The following EFCAB7 variants were observed in gnomAD, a reference collection of about 807,000 sequenced individuals.
The protein encoded by EFCAB7 is EF-hand calcium binding domain 7.
A neutral mutation model predicts 77.1 loss-of-function variants in EFCAB7; 66 were observed. That is an observed-to-expected ratio of 0.86 (90% CI 0.70 to 1.05). The LOEUF (loss-of-function observed/expected upper bound fraction) is 1.05. Among genes scored for constraint, EFCAB7 ranks in the 50% least tolerant of loss-of-function variants. The pLI is 0.00. For missense variants in EFCAB7, 638 were observed against 730.5 expected (o/e 0.87, Z 1.46); for synonymous variants, 225 against 243.3 (o/e 0.92, Z 0.70).
intron 1 of EFCAB7, among the ~76,000 whole-genome samples, chr1:63,525,048 C>T (rs192730347): frequency 1.5e-4 from 23 of 152,274 alleles, no homozygotes; most frequent in African/African-American, 5.3e-4. Context: ...TGGGTGTCAA[C>T]TACCACTCAT....
chr1:63,551,357 C>T (rs1646962259), intron 7 of EFCAB7, among the ~76,000 whole-genome samples: 2 of 152,188 alleles, frequency 1.3e-5, no homozygotes, highest in African/African-American at 4.8e-5. Flanking sequence ...CTTTGGGAGG[C>T]CCAGGCAGGT....
intron 7 of EFCAB7, chr1:63,547,984 G>C (rs1361026318): frequency 6.6e-6 from 1 of 152,244 alleles, no homozygotes; most frequent in Non-Finnish European, 1.5e-5. Flanking sequence ...TTGATCTCTT[G>C]ATGGAAAAGC....
intron 3 of EFCAB7, among the ~76,000 whole-genome samples, chr1:63,532,331 C>G (rs1205662895): frequency 6.6e-6 from 1 of 151,736 alleles, no homozygotes; most frequent in Non-Finnish European, 1.5e-5. Flanking sequence ...AAAGGAAAAC[C>G]AAATATAAAT....
intron 10 of EFCAB7, 36 bp downstream of exon 10, chr1:63,557,283 A>T (rs1300335734): frequency 1.1e-5 from 17 of 1,558,742 alleles, no homozygotes; most frequent in Non-Finnish European, 1.5e-5. Context: ...GATGTATAAA[A>T]ATATATATAT....
intron 13 of EFCAB7, 97 bp downstream of exon 13, chr1:63,571,225 G>C (rs906608343): frequency 5.3e-6 from 4 of 750,146 alleles, no homozygotes; most frequent in Non-Finnish European, 8.8e-6. Flanking sequence ...AAAATGGAGT[G>C]GAAAATTATT....
intron 2 of EFCAB7, chr1:63,528,055 G>A (rs1466727067): frequency 1.3e-5 from 2 of 152,182 alleles, no homozygotes; most frequent in African/African-American, 4.8e-5. Flanking sequence ...AGCTACCATA[G>A]GATCTAGCAT....
Position 63,532,759 on chromosome 1 carries a change from A to G in EFCAB7, c.486+3A>G, listed in dbSNP as rs781099100. ...ATGGCAAATTTGACTACATCAAGGT[A>G]CATAAGCTCACATTGATGTAAATTT... On this transcript the variant is annotated splice_donor_region_variant and intron_variant, in intron 4 of 13. Coordinates refer to ENST00000371088, the MANE Select transcript of EFCAB7 (RefSeq NM_032437.4). 2.0e-5 allele frequency: 31 copies of G among 1,587,578 alleles called. No individual in the cohort carries two copies. Among genetic ancestry groups the G allele is most frequent in the African/African-American group, 4.1e-5 (3 of 73,272 alleles).
chr1:63,559,096 A>C (rs1268272315), intron 10 of EFCAB7, among the ~76,000 whole-genome samples: 1 of 151,716 alleles, frequency 6.6e-6, no homozygotes, highest in Non-Finnish European at 1.5e-5. Context: ...GAGGTCATTA[A>C]TTCAAGACCA....
intron 7 of EFCAB7, 22 bp from the exon 8 acceptor site, chr1:63,551,703 G>A: frequency 7.5e-7 from 1 of 1,329,942 alleles, no homozygotes; most frequent in Non-Finnish European, 1.0e-6. Context: ...TAAGGTGTTT[G>A]GGCTTTTTTT....
intron 7 of EFCAB7, chr1:63,548,607 T>G (rs182478786): frequency 1.3e-5 from 2 of 152,288 alleles, no homozygotes; most frequent in Admixed American, 1.3e-4. Flanking sequence ...TTCTTCCACT[T>G]GTATGGTACC....
chr1:63,552,405 T>C (rs1194862307), intron 8 of EFCAB7, among the ~76,000 whole-genome samples: 2 of 152,214 alleles, frequency 1.3e-5, no homozygotes, highest in African/African-American at 4.8e-5. Context: ...TACATTTTTT[T>C]TCCCTAAATG....
Position 63,568,436 on chromosome 1 carries a change from G to A in EFCAB7, c.1624G>A (p.Ala542Thr). ...TAAATCTGTTCTTAGCAACGGTGAT[G>A]CCAAAGTAATGGATGGCTATGAAAA... Reference protein sequence around the residue: ...ICKSVLSNGDAKVMDGYENII... With the variant: ...ICKSVLSNGDTKVMDGYENII... Residue 542 changes from alanine to threonine, a missense_variant, in exon 12 of 14, where the codon GCC (alanine) becomes ACC (threonine). Physicochemically the swap from Ala to Thr is moderately conservative, Grantham distance 58 (BLOSUM62 0). Coordinates refer to ENST00000371088, the MANE Select transcript of EFCAB7 (RefSeq NM_032437.4). 1 of 1,591,182 alleles carries A rather than the reference G, an allele frequency of 6.3e-7. No individual in the cohort carries two copies. Among genetic ancestry groups the A allele is most frequent in the East Asian group, 2.3e-5 (1 of 43,784 alleles).
chr1:63,550,277 C>T (rs1646949437), intron 7 of EFCAB7: 1 of 152,120 alleles, frequency 6.6e-6, no homozygotes. Flanking sequence ...ATTTTATTAT[C>T]TTATAATCTT....
chr1:63,561,707 A>G lies in EFCAB7; in HGVS notation c.1349-2A>G, dbSNP rs1311682137. The G allele has an allele frequency of 2.5e-6, 4 of 1,576,704 alleles. No individual in the cohort carries two copies. Among genetic ancestry groups the G allele is most frequent in the South Asian group, 2.4e-5 (2 of 83,126 alleles). ...AGAAAAAACTTTTGGTTGTTTAAAC[A>G]GAGAATTTTGATACAAAGAGGAATG... On this transcript the variant is annotated splice_acceptor_variant, in intron 10 of 13. Transcript: ENST00000371088. LOFTEE classifies it high-confidence loss of function.
chr1:63,540,673 T>C lies in EFCAB7; in HGVS notation c.805-5243T>C, dbSNP rs570118079. Among the ~76,000 whole-genome samples the C allele has an allele frequency of 2.0e-5, 3 of 152,296 alleles. No homozygotes were observed. In the East Asian group the frequency reaches 5.8e-4, roughly 29 times the overall value. On this transcript the variant is annotated intron_variant, in intron 6 of 13. Coordinates refer to ENST00000371088, the MANE Select transcript of EFCAB7 (RefSeq NM_032437.4). ...TTGTTGAAATATTATATATAATGAC[T>C]TCTTTCTGTCATGGGCAATATACTT...
At chr1:63,573,789 C>T (rs902098590), downstream of EFCAB7, among the ~76,000 whole-genome samples, 2 of 152,156 alleles carry the variant, frequency 1.3e-5, no homozygotes, top group Admixed American at 6.5e-5. Flanking sequence ...ATTCCCAGGA[C>T]AGGCCTGAAT....
chr1:63,524,751 C>A (rs1187202511), intron 1 of EFCAB7, among the ~76,000 whole-genome samples: 1 of 152,064 alleles, frequency 6.6e-6, no homozygotes, highest in African/African-American at 2.4e-5. Context: ...GGCTTTTTGC[C>A]ACTTACTGCT....
downstream of EFCAB7, among the ~76,000 whole-genome samples, chr1:63,573,213 G>C (rs968326559): frequency 1.3e-5 from 2 of 152,222 alleles, no homozygotes; most frequent in South Asian, 4.1e-4. Flanking sequence ...ATATTTCTCA[G>C]GGCTGCTTCG....
At chr1:63,553,704 G>C (rs1162539596) in intron 8 of EFCAB7, among the ~76,000 whole-genome samples, 1 of 152,146 alleles carries the variant, frequency 6.6e-6, no homozygotes, top group Admixed American at 6.5e-5. Flanking sequence ...AGGACCTGGT[G>C]ACCTTAAGAA....
Sources: gnomAD v4.1 joint callset for allele counts (sites outside exome capture counted in the v4.1 genomes callset) on GRCh38, gnomAD v4.1.1 for gene constraint, MANE v1.5 for transcripts, NCBI Gene and HGNC (gene_info 2026-07-23, HGNC 2026-07-21) for gene names.